SPOCK1: variants seen among roughly 807,000 people sequenced by gnomAD.
The protein encoded by SPOCK1 is testican-1.
SPOCK1 carries 23 observed loss-of-function variants against 55.3 expected under a neutral mutation model. The ratio of observed to expected loss-of-function variants is 0.42; its 90% confidence interval spans 0.30 to 0.59. SPOCK1 has a LOEUF of 0.59. Among genes scored for constraint, SPOCK1 ranks in the 20% least tolerant of loss-of-function variants. SPOCK1 has a pLI of 0.22. For missense variants in SPOCK1, 499 were observed against 552.5 expected, an observed-to-expected ratio of 0.90 and a Z score of 0.97; for synonymous variants, 226 against 221.0, an observed-to-expected ratio of 1.02 and a Z score of -0.20.
chr5:137,474,131 A>ACGGTGCAG (rs1254000780), intron 2 of SPOCK1, among the ~76,000 whole-genome samples: 1 of 152,174 alleles, frequency 6.6e-6, no homozygotes, highest in Non-Finnish European at 1.5e-5. Context: ...GACTATGTAT[A>ACGGTGCAG]CGGTGCAGCG....
At chr5:137,317,212 A>C (rs1222333458) in intron 2 of SPOCK1, among the ~76,000 whole-genome samples, 2 of 152,176 alleles carry the variant, frequency 1.3e-5, no homozygotes, top group African/African-American at 4.8e-5. Flanking sequence ...TTTTCACTAC[A>C]GCTAGATAAG....
Position 136,978,038 on chromosome 5 carries a change from C to G in SPOCK1, c.*616G>C. ...CATGTACAGGGAAGTATCCAGACAC[C>G]AATTTTTAATAAAATGAATTCCCCA... On this transcript the variant is annotated 3_prime_UTR_variant, in exon 11 of 11. Coordinates refer to ENST00000394945, the MANE Select transcript of SPOCK1 (RefSeq NM_004598.4). 2.5e-6 allele frequency: 1 copy of G among 397,948 alleles called. No individual in the cohort carries two copies. Among genetic ancestry groups the G allele is most frequent in the Non-Finnish European group, 4.4e-6 (1 of 225,948 alleles). 24.7% of individuals were successfully genotyped at this position (397,948 alleles called of 1,614,324 possible).
At chr5:137,272,440 A>G (rs1337780685) in intron 2 of SPOCK1, among the ~76,000 whole-genome samples, 1 of 152,222 alleles carries the variant, frequency 6.6e-6, no homozygotes, top group Non-Finnish European at 1.5e-5. Flanking sequence ...TCAAACTATT[A>G]TAAGGTACAA....
At chr5:137,061,441 A>C (rs1752392923) in intron 6 of SPOCK1, among the ~76,000 whole-genome samples, 1 of 152,198 alleles carries the variant, frequency 6.6e-6, no homozygotes, top group Non-Finnish European at 1.5e-5. Flanking sequence ...AGAAAAGAAA[A>C]TCACTGTAGA....
chr5:137,483,290 G>A (rs1267010731), intron 2 of SPOCK1, among the ~76,000 whole-genome samples: 2 of 152,170 alleles, frequency 1.3e-5, no homozygotes, highest in African/African-American at 2.4e-5. Flanking sequence ...CCAAGATCAC[G>A]CCATTGCACT....
chr5:137,136,332 C>A (rs1419680260), intron 4 of SPOCK1, among the ~76,000 whole-genome samples: 1 of 152,056 alleles, frequency 6.6e-6, no homozygotes, highest in African/African-American at 2.4e-5. Flanking sequence ...CCCAGGAGTT[C>A]AAGGTTACAG....
chr5:137,300,203 C>T (rs946907982), intron 2 of SPOCK1, among the ~76,000 whole-genome samples: 1 of 152,108 alleles, frequency 6.6e-6, no homozygotes, highest in Non-Finnish European at 1.5e-5. Flanking sequence ...ATAAAATTTT[C>T]ATTTCAGATA....
At chr5:137,393,203 TAC>T (rs1362145911) in intron 2 of SPOCK1, among the ~76,000 whole-genome samples, 3 of 152,296 alleles carry the variant, frequency 2.0e-5, no homozygotes, top group Non-Finnish European at 2.9e-5. Flanking sequence ...TTCCTGTATG[TAC>T]ACTCTTGGCC....
chr5:137,109,257 C>T (rs1753421219), intron 5 of SPOCK1, among the ~76,000 whole-genome samples: 2 of 152,322 alleles, frequency 1.3e-5, no homozygotes, highest in South Asian at 2.1e-4. Context: ...AAGAGAGAAA[C>T]ATTGCAAGGA....
rs140934432 is a variant in SPOCK1 at position 136,980,931 on chromosome 5, C to T, written c.992-1462G>A. ...TGAAAGTAGCATTTTGATTAATTTC[C>T]TGGTTTTGATTTTGGTTTTGATTTA... On this transcript the variant is annotated intron_variant, in intron 9 of 10. Transcript: ENST00000394945. Among the ~76,000 whole-genome samples the T allele has an allele frequency of 2.6e-5, 4 of 152,050 alleles. No homozygotes were observed. The East Asian group carries it at 5.8e-4, about 22-fold the overall frequency.
chr5:137,006,674 T>C (rs950985165), intron 6 of SPOCK1, among the ~76,000 whole-genome samples: 2 of 152,142 alleles, frequency 1.3e-5, no homozygotes, highest in African/African-American at 2.4e-5. Flanking sequence ...CTCTTCCTAT[T>C]TGAATACCTT....
At chr5:137,471,925 T>C (rs1184855503) in intron 2 of SPOCK1, among the ~76,000 whole-genome samples, 2 of 151,920 alleles carry the variant, frequency 1.3e-5, no homozygotes, top group South Asian at 2.1e-4. Context: ...GCATGGGAAA[T>C]AATAGGGCAG....
chr5:137,230,035 C>T (rs1756019690), intron 3 of SPOCK1, among the ~76,000 whole-genome samples: 1 of 152,146 alleles, frequency 6.6e-6, no homozygotes, highest in Non-Finnish European at 1.5e-5. Flanking sequence ...GCAAGACTCG[C>T]CCATGCTCCA....
At chr5:137,487,353 A>C (rs1265931845) in intron 2 of SPOCK1, among the ~76,000 whole-genome samples, 2 of 151,608 alleles carry the variant, frequency 1.3e-5, no homozygotes, top group Admixed American at 1.3e-4. Context: ...AAAAAAAAAA[A>C]ACCTCTGGCC....
At chr5:137,341,298 T>C (rs1158922001) in intron 2 of SPOCK1, among the ~76,000 whole-genome samples, 2 of 152,270 alleles carry the variant, frequency 1.3e-5, no homozygotes, top group Non-Finnish European at 2.9e-5. Context: ...AATGTAGTTA[T>C]ATTTTAAGAT....
intron 3 of SPOCK1, among the ~76,000 whole-genome samples, chr5:137,159,953 T>A (rs555025015): frequency 6.6e-6 from 1 of 152,154 alleles, no homozygotes; most frequent in African/African-American, 2.4e-5. Context: ...TTGGTGAACA[T>A]AAGGAGGCAA....
At chr5:137,358,828 G>C (rs1750880263) in intron 2 of SPOCK1, among the ~76,000 whole-genome samples, 1 of 150,992 alleles carries the variant, frequency 6.6e-6, no homozygotes, top group Admixed American at 6.6e-5. Context: ...AACTTTGAAG[G>C]GTTTTTCTAT....
At chr5:137,176,797 G>A (rs535136430) in intron 3 of SPOCK1, among the ~76,000 whole-genome samples, 68 of 152,246 alleles carry the variant, frequency 4.5e-4, no homozygotes, top group Non-Finnish European at 7.2e-4. Context: ...GCGGTATCTA[G>A]TTGATGAAAT....
At chr5:137,391,107 G>T (rs144262234) in intron 2 of SPOCK1, among the ~76,000 whole-genome samples, 1 of 151,860 alleles carries the variant, frequency 6.6e-6, no homozygotes, top group Non-Finnish European at 1.5e-5. Context: ...CCTCCCTGAC[G>T]TTTCTCATTG....
Sources: allele counts gnomAD v4.1 joint callset (sites outside exome capture counted in the v4.1 genomes callset), GRCh38; gene constraint gnomAD v4.1.1; transcripts MANE v1.5; gene names NCBI Gene and HGNC (gene_info 2026-07-23, HGNC 2026-07-21).